The following SRMS variants were observed in gnomAD, a reference collection of about 807,000 sequenced individuals.
SRMS encodes the protein src-related kinase lacking C-terminal regulatory tyrosine and N-terminal myristylation sites, also known as tyrosine-protein kinase Srms.
SRMS carries 42 observed loss-of-function variants against 43.5 expected under a neutral mutation model. The observed-to-expected ratio is 0.97, with a 90% confidence interval of 0.75 to 1.25. The LOEUF (loss-of-function observed/expected upper bound fraction) is 1.25, where lower values mean the gene tolerates loss of function less well. Ranked by LOEUF, SRMS falls within the 50% of genes most tolerant of loss-of-function variation. The pLI is 0.00. For missense variants in SRMS, 703 were observed against 681.0 expected (o/e 1.03, Z -0.36); for synonymous variants, 316 against 308.2 (o/e 1.03, Z -0.27).
rs892027853 is a variant in SRMS at position 63,540,744 on chromosome 20, C to T, written c.*74G>A. ...GCTCCTCGGTCCGGCAGACCGGCAT[C>T]CCTTCGAGTTGGCGCTCTGCAGGGA... On this transcript the variant is annotated 3_prime_UTR_variant, in exon 8 of 8. Coordinates refer to ENST00000217188, the MANE Select transcript of SRMS (RefSeq NM_080823.4). 6.0e-6 allele frequency: 9 copies of T among 1,498,882 alleles called. No homozygotes were observed. In the Admixed American group the frequency reaches 1.9e-4, roughly 32 times the overall value. 92.8% of individuals were successfully genotyped at this position (1,498,882 alleles called of 1,614,324 possible). A position where few individuals can be genotyped will look rare whatever the true frequency, so the allele number is the denominator to read the frequency against.
chr20:63,547,252 C>T lies in SRMS; in HGVS notation c.212G>A (p.Ser71Asn), dbSNP rs1210155607. The change falls in exon 1 of 8, where the codon AGT becomes AAT. Residue 71 changes from serine to asparagine, a missense_variant. Coordinates refer to ENST00000217188, the MANE Select transcript of SRMS (RefSeq NM_080823.4). ...DFTARCGGEL[S>N]VRRGDRLCAL... ...ACAGAGCCTGTCCCCGCGGCGGACA[C>T]TCAGCTCCCCGCCACACCGCGCCGT... 2.5e-6 allele frequency: 4 copies of T among 1,606,918 alleles called. No individual in the cohort carries two copies. Among genetic ancestry groups the T allele is most frequent in the Non-Finnish European group, 3.4e-6 (4 of 1,176,714 alleles).
At chr20:63,543,627 G>A (rs936945677) in intron 2 of SRMS, 147 bp from the exon 3 acceptor site, 22 of 990,086 alleles carry the variant, frequency 2.2e-5, no homozygotes, top group Non-Finnish European at 3.0e-5. Flanking sequence ...GTGTGGAGGA[G>A]GGAGTGTGGG....
chr20:63,544,162 C>T (rs1424056004), intron 2 of SRMS, 65 bp downstream of exon 2: 1 of 1,368,388 alleles, frequency 7.3e-7, no homozygotes, highest in African/African-American at 1.5e-5. Context: ...TAGAGACCAA[C>T]CACCCCAAGG....
chr20:63,544,240 GC>G lies in SRMS; in HGVS notation c.464del (p.Gly155AlafsTer49). 7 of 1,461,498 alleles carry G rather than the reference GC, an allele frequency of 4.8e-6. No individual in the cohort carries two copies. Among genetic ancestry groups the G allele is most frequent in the Admixed American group, 5.6e-5 (2 of 35,818 alleles). The allele number at this position is 1,461,498 out of a possible 1,614,324, so 90.5% of individuals were successfully genotyped here. ...CGCCCCAGGTACCTGACAGTGAGTA[GC>G]CCCCGAGGCTGCTCTCGCTGGGCCG... ...LIRPSESSLG[G>X]YSLSVRAQAK... On this transcript the variant is annotated frameshift_variant, in exon 2 of 8. Coordinates refer to ENST00000217188, the MANE Select transcript of SRMS (RefSeq NM_080823.4). LOFTEE classifies it high-confidence loss of function.
In SRMS at chr20:63,540,260, T is replaced by C. The variant is rs1238173655; in HGVS notation, c.*558A>G. Among the ~76,000 whole-genome samples, 2 of 152,170 alleles carry C rather than the reference T, an allele frequency of 1.3e-5. No homozygotes were observed. Among genetic ancestry groups the C allele is most frequent in the African/African-American group, 4.8e-5 (2 of 41,426 alleles). On this transcript the variant is annotated 3_prime_UTR_variant, in exon 8 of 8. Coordinates refer to ENST00000217188, the MANE Select transcript of SRMS (RefSeq NM_080823.4). Reference sequence around the variant, plus strand: ...CCGTGCCTACATACCACACATCCAGTGGGGTCAACACCACGGTCTGCCTGG... The same window carrying C: ...CCGTGCCTACATACCACACATCCAGCGGGGTCAACACCACGGTCTGCCTGG...
In SRMS at chr20:63,540,540, G is replaced by A. The variant is rs1470276985; in HGVS notation, c.*278C>T. Among the ~76,000 whole-genome samples the A allele has an allele frequency of 6.6e-6, 1 of 152,196 alleles. No individual in the cohort carries two copies. Among genetic ancestry groups the A allele is most frequent in the African/African-American group, 2.4e-5 (1 of 41,456 alleles). ...CCGTCTGCACGAGTCACACTGCACG[G>A]GGAACGTCAGCCCCAGCCCTTCGTC... On this transcript the variant is annotated 3_prime_UTR_variant, in exon 8 of 8. Coordinates refer to ENST00000217188, the MANE Select transcript of SRMS (RefSeq NM_080823.4).
Position 63,544,366 on chromosome 20 carries a change from G to C in SRMS, c.357-18C>G. The C allele has an allele frequency of 6.9e-7, 1 of 1,459,698 alleles. No homozygotes were observed. The highest frequency in any genetic ancestry group is 9.0e-7 in the Non-Finnish European group (1 of 1,108,208). 90.4% of individuals were successfully genotyped at this position (1,459,698 alleles called of 1,614,324 possible). A position where few individuals can be genotyped will look rare whatever the true frequency, so the allele number is the denominator to read the frequency against. Reference sequence around the variant, plus strand: ...AGTACCAGCTGCAAACAGCAGGTGCGGCAGTCACCTTGCAGGCCCCTCAGC... The same window carrying C: ...AGTACCAGCTGCAAACAGCAGGTGCCGCAGTCACCTTGCAGGCCCCTCAGC... On this transcript the variant is annotated intron_variant, in intron 1 of 7. Transcript: ENST00000217188.
chr20:63,540,280 GC>G lies in SRMS; in HGVS notation c.*537del, dbSNP rs2082695848. ...TCCAGTGGGGTCAACACCACGGTCTGCCTGGGAGTCAGCACTGGTCATTTCC... is the reference window on the plus strand; with the variant it reads ...TCCAGTGGGGTCAACACCACGGTCTGCTGGGAGTCAGCACTGGTCATTTCC... On this transcript the variant is annotated 3_prime_UTR_variant, in exon 8 of 8. Transcript: ENST00000217188. Among the ~76,000 whole-genome samples, 1 of 152,208 alleles carries G rather than the reference GC, an allele frequency of 6.6e-6. No individual in the cohort carries two copies. Among genetic ancestry groups the G allele is most frequent in the Non-Finnish European group, 1.5e-5 (1 of 68,038 alleles).
rs1022831181 is a variant in SRMS at position 63,539,603 on chromosome 20, C to T, written c.*1215G>A. Among the ~76,000 whole-genome samples the T allele has an allele frequency of 6.6e-6, 1 of 152,208 alleles. No homozygotes were observed. The highest frequency in any genetic ancestry group is 1.5e-5 in the Non-Finnish European group (1 of 68,020). Reference sequence around the variant, plus strand: ...GGGGGCCACAAACAGACCCCACCGGCCCCCTTGCTTCTTGACGTGTTTCAC... The same window carrying T: ...GGGGGCCACAAACAGACCCCACCGGTCCCCTTGCTTCTTGACGTGTTTCAC... On this transcript the variant is annotated 3_prime_UTR_variant, in exon 8 of 8. Transcript: ENST00000217188.
chr20:63,540,097 G>T lies in SRMS; in HGVS notation c.*721C>A, dbSNP rs1467696941. Among the ~76,000 whole-genome samples the T allele has an allele frequency of 1.3e-5, 2 of 152,228 alleles. No homozygotes were observed. The highest frequency in any genetic ancestry group is 2.4e-5 in the African/African-American group (1 of 41,446). ...GCTCCAGCTCCTGGGTCTGGGTTTG[G>T]GGGGCTGAGCCTGTGTGTGATGTGC... On this transcript the variant is annotated 3_prime_UTR_variant, in exon 8 of 8. Transcript: ENST00000217188.
At chr20:63,541,668 G>A (rs762416074) in intron 5 of SRMS, 48 bp from the exon 6 acceptor site, 41 of 1,457,850 alleles carry the variant, frequency 2.8e-5, no homozygotes, top group Non-Finnish European at 3.6e-5. Context: ...CCAACGGCCG[G>A]TGAGGCCAGC....
In SRMS at chr20:63,540,488, T is replaced by C. The variant is rs1184834062; in HGVS notation, c.*330A>G. 6.6e-6 allele frequency among the ~76,000 whole-genome samples: 1 copy of C among 152,150 alleles called. No individual in the cohort carries two copies. Among genetic ancestry groups the C allele is most frequent in the Non-Finnish European group, 1.5e-5 (1 of 68,036 alleles). Reference sequence around the variant, plus strand: ...GAGAGGCCAGGGACACGTGTCACACTGCACGGGGAACGTCAGCCCCAGCCC... The same window carrying C: ...GAGAGGCCAGGGACACGTGTCACACCGCACGGGGAACGTCAGCCCCAGCCC... On this transcript the variant is annotated 3_prime_UTR_variant, in exon 8 of 8. Coordinates refer to ENST00000217188, the MANE Select transcript of SRMS (RefSeq NM_080823.4).
At chr20:63,542,072 C>T (rs1465028701) in intron 5 of SRMS, 91 bp downstream of exon 5, 3 of 1,519,650 alleles carry the variant, frequency 2.0e-6, no homozygotes, top group Non-Finnish European at 1.8e-6. Flanking sequence ...CCCGGTTCAC[C>T]TCGGAAACCC....
chr20:63,541,023 G>T, intron 7 of SRMS, 24 bp from the exon 8 acceptor site: 1 of 1,607,142 alleles, frequency 6.2e-7, no homozygotes. Flanking sequence ...GGCAAGAGCT[G>T]CCTCGATTCT....
At position 63,544,332 on chromosome 20, in the gene SRMS, C is replaced by T. The variant is rs2082719977; in HGVS notation, c.373G>A (p.Val125Ile). 1.4e-6 allele frequency: 2 copies of T among 1,476,086 alleles called. No individual in the cohort carries two copies. The highest frequency in any genetic ancestry group is 1.8e-6 in the Non-Finnish European group (2 of 1,115,902). The allele number at this position is 1,476,086 out of a possible 1,614,324, so 91.4% of individuals were successfully genotyped here. The change falls in exon 2 of 8, where the codon GTC becomes ATC. Residue 125 changes from valine to isoleucine, a missense_variant. Transcript: ENST00000217188. ...LSDQPWYFSG[V>I]SRTQAQQLLL... ...AGCTGCTGTGCCTGGGTCCGACTGACCCCGCTAAAGTACCAGCTGCAAACA... is the reference window on the plus strand; with the variant it reads ...AGCTGCTGTGCCTGGGTCCGACTGATCCCGCTAAAGTACCAGCTGCAAACA...
chr20:63,543,163 C>T, intron 3 of SRMS, 151 bp downstream of exon 3: 1 of 936,210 alleles, frequency 1.1e-6, no homozygotes, highest in Non-Finnish European at 1.6e-6. Context: ...GCTGGAACCG[C>T]TGGGATGCTC....
rs770997808 is a variant in SRMS at position 63,542,537 on chromosome 20, G to A, written c.690C>T (p.Phe230=). 1.6e-5 allele frequency: 25 copies of A among 1,578,324 alleles called. No homozygotes were observed. The East Asian group carries it at 2.1e-4, about 13-fold the overall frequency. The change falls in exon 4 of 8, where the codon TTC becomes TTT. Residue 230 remains phenylalanine (F), a synonymous_variant. Coordinates refer to ENST00000217188, the MANE Select transcript of SRMS (RefSeq NM_080823.4). ...CTTCACCCAGCTTCCTCCCAAGGGCGAATTCGGAGTGTGGCCGCTCCCACA... is the reference window on the plus strand; with the variant it reads ...CTTCACCCAGCTTCCTCCCAAGGGCAAATTCGGAGTGTGGCCGCTCCCACA... The part of the protein sequence containing the change: ...QDVWERPHSE[F]ALGRKLGEGY...
intron 7 of SRMS, 61 bp downstream of exon 7, chr20:63,541,130 C>T: frequency 6.4e-7 from 1 of 1,552,702 alleles, no homozygotes; most frequent in Non-Finnish European, 8.7e-7. Context: ...AGCGTCCAGG[C>T]CCGGGGCCAG....
intron 6 of SRMS, 45 bp downstream of exon 6, chr20:63,541,394 C>G: frequency 6.4e-7 from 1 of 1,556,416 alleles, no homozygotes; most frequent in Middle Eastern, 1.7e-4. Context: ...ACCGGGGTCC[C>G]CTCACCCACC....
Sources: gnomAD v4.1 joint callset for allele counts (sites outside exome capture counted in the v4.1 genomes callset) on GRCh38, gnomAD v4.1.1 for gene constraint, MANE v1.5 for transcripts, NCBI Gene and HGNC (gene_info 2026-07-23, HGNC 2026-07-21) for gene names.